Variants in MSR1 observed in about 807,000 individuals in gnomAD.
MSR1 encodes macrophage scavenger receptor 1, also known as macrophage scavenger receptor types I and II.
In MSR1, 53 loss-of-function variants were observed where a neutral mutation model predicts 47.2. That is an observed-to-expected ratio of 1.12 (90% CI 0.90 to 1.41). The LOEUF is 1.41. Among genes scored for constraint, MSR1 ranks in the 40% most tolerant of loss-of-function variants. MSR1 has a pLI of 0.00. For synonymous variants in MSR1, 239 were observed against 185.6 expected (o/e 1.29, Z -2.34); for missense variants, 786 against 546.9 (o/e 1.44, Z -4.36).
intron 9 of MSR1, among the ~76,000 whole-genome samples, chr8:16,118,000 T>G (rs2117056458): frequency 6.6e-6 from 1 of 152,272 alleles, no homozygotes; most frequent in Admixed American, 6.5e-5. Context: ...TGGTCCCTGG[T>G]GCCAAAAAGG....
At chr8:16,131,822 T>A (rs1800267468) in intron 8 of MSR1, among the ~76,000 whole-genome samples, 1 of 152,108 alleles carries the variant, frequency 6.6e-6, no homozygotes, top group South Asian at 2.1e-4. Flanking sequence ...GGGTTCTCTA[T>A]TCTGTTCCAT....
chr8:16,111,186 C>T (rs527619637), intron 9 of MSR1, among the ~76,000 whole-genome samples: 1 of 152,088 alleles, frequency 6.6e-6, no homozygotes, highest in African/African-American at 2.4e-5. Flanking sequence ...TTTTGAAAGC[C>T]TCAAAGGGCT....
At position 16,168,489 on chromosome 8, in the gene MSR1, T is replaced by A; in HGVS notation, c.599A>T (p.Lys200Ile). The change falls in exon 4 of 10, where the codon AAA becomes ATA. Residue 200 changes from lysine to isoleucine, a missense_variant. Lys to Ile is a moderately radical substitution (Grantham distance 102, BLOSUM62 -3). Transcript: ENST00000262101. ...TTGTTTGAAGGTATTCTCTTGGATT[T>A]TGCCATTCAGATTTTCTATGTTGAG... ...LQLNIENLNG[K>I]IQENTFKQQE... is the part of the protein sequence containing the mutation. 1 of 1,614,152 alleles carries A rather than the reference T, an allele frequency of 6.2e-7. No homozygotes were observed. The highest frequency in any genetic ancestry group is 8.5e-7 in the Non-Finnish European group (1 of 1,180,012).
chr8:16,182,933 T>C (rs1215561304), intron 1 of MSR1, among the ~76,000 whole-genome samples: 1 of 152,174 alleles, frequency 6.6e-6, no homozygotes, highest in Non-Finnish European at 1.5e-5. Flanking sequence ...TGCTATACTT[T>C]TAAATGACTG....
At position 16,168,845 on chromosome 8, in the gene MSR1, C is replaced by T; in HGVS notation, c.243G>A (p.Lys81=). 1 of 1,613,476 alleles carries T rather than the reference C, an allele frequency of 6.2e-7. No individual in the cohort carries two copies. The highest frequency in any genetic ancestry group is 8.5e-7 in the Non-Finnish European group (1 of 1,179,990). The part of the protein sequence containing the change: ...VAAQLLKWET[K]NCSVSSTNAN... ...CATTAGTTGAACTAACTGAGCAATT[C>T]TTCGTTTCCCACTTCAGGAGTTGAG... Residue 81 remains lysine, a synonymous_variant, in exon 4 of 10, where the codon AAG becomes AAA. Transcript: ENST00000262101.
chr8:16,177,829 A>G (rs1234137494), intron 2 of MSR1, 57 bp downstream of exon 2: 8 of 1,379,014 alleles, frequency 5.8e-6, no homozygotes, highest in Non-Finnish European at 7.2e-6. Flanking sequence ...ATAATTTTAT[A>G]TTTTGTCAAT....
At chr8:16,172,577 C>A (rs926835822) in intron 3 of MSR1, among the ~76,000 whole-genome samples, 2 of 152,020 alleles carry the variant, frequency 1.3e-5, no homozygotes, top group African/African-American at 4.8e-5. Context: ...ATATTTGATT[C>A]TACAGATCAT....
chr8:16,160,771 C>T (rs1801138434), intron 5 of MSR1, among the ~76,000 whole-genome samples: 1 of 151,910 alleles, frequency 6.6e-6, no homozygotes, highest in Admixed American at 6.6e-5. Flanking sequence ...ATGAAACAAG[C>T]ACTTTTTCTA....
chr8:16,139,758 AAAAAAAAAAAAAAAAAATATATATAT>A (rs1800484458), intron 8 of MSR1: 1 of 156,122 alleles, frequency 6.4e-6, no homozygotes, highest in African/African-American at 8.6e-5. Flanking sequence ...AAAAAAAAAA[AAAAAAAAAAAAAAAAAATATATATAT>A]ATATATATAT....
chr8:16,143,856 G>C (rs1217505173), intron 7 of MSR1, among the ~76,000 whole-genome samples: 1 of 152,016 alleles, frequency 6.6e-6, no homozygotes, highest in Non-Finnish European at 1.5e-5. Flanking sequence ...CCTAAATCAA[G>C]CAAAGCTGAA....
At chr8:16,162,348 G>A (rs1475616734) in intron 5 of MSR1, among the ~76,000 whole-genome samples, 1 of 151,874 alleles carries the variant, frequency 6.6e-6, no homozygotes, top group Non-Finnish European at 1.5e-5. Context: ...AAATCAGAAG[G>A]TTTCTTGATC....
At chr8:16,151,076 T>A (rs1207821182) in intron 6 of MSR1, among the ~76,000 whole-genome samples, 1 of 152,122 alleles carries the variant, frequency 6.6e-6, no homozygotes, top group East Asian at 1.9e-4. Flanking sequence ...AGTTCAGTAG[T>A]TCTTGATAAA....
At position 16,177,880 on chromosome 8, in the gene MSR1, A is replaced by G; in HGVS notation, c.103+6T>C. On this transcript the variant is annotated splice_donor_region_variant and intron_variant, in intron 2 of 9. Coordinates refer to ENST00000262101, the MANE Select transcript of MSR1 (RefSeq NM_138715.3). ...CTCCATGGGCAGCCCATCCCCCTCT[A>G]CTTACTCGGAGGAAGCAAAGCTGTC... 1 of 1,612,100 alleles carries G rather than the reference A, an allele frequency of 6.2e-7. No homozygotes were observed. The highest frequency in any genetic ancestry group is 8.5e-7 in the Non-Finnish European group (1 of 1,178,358).
intron 1 of MSR1, among the ~76,000 whole-genome samples, chr8:16,183,521 C>T (rs1231850099): frequency 6.9e-6 from 1 of 144,152 alleles, no homozygotes; most frequent in Non-Finnish European, 1.5e-5. Flanking sequence ...ATAATTACAT[C>T]TATAACATGT....
intron 4 of MSR1, among the ~76,000 whole-genome samples, chr8:16,164,603 G>A (rs545502416): frequency 8.8e-4 from 134 of 151,990 alleles, no homozygotes; most frequent in Admixed American, 1.6e-3. Context: ...TCTTCGTACT[G>A]TACTTACAGT....
chr8:16,173,033 G>A (rs1050266519), intron 3 of MSR1, among the ~76,000 whole-genome samples: 6 of 152,094 alleles, frequency 3.9e-5, no homozygotes, highest in African/African-American at 1.4e-4. Flanking sequence ...ATTGTTTATT[G>A]TTAATACATA....
intron 5 of MSR1, among the ~76,000 whole-genome samples, chr8:16,157,283 C>T (rs1381017144): frequency 6.6e-6 from 1 of 151,812 alleles, no homozygotes; most frequent in Non-Finnish European, 1.5e-5. Context: ...ACTAACTATC[C>T]TTTCAATTAT....
intron 3 of MSR1, among the ~76,000 whole-genome samples, chr8:16,171,228 C>CAAAAAA (rs34662759): frequency 1.1e-4 from 8 of 75,430 alleles, no homozygotes; most frequent in African/African-American, 2.9e-4. Flanking sequence ...GACTCAGTCT[C>CAAAAAA]AAAAAAAAAA....
chr8:16,175,903 A>G (rs1484850521), intron 2 of MSR1, among the ~76,000 whole-genome samples: 2 of 152,194 alleles, frequency 1.3e-5, no homozygotes, highest in Non-Finnish European at 2.9e-5. Context: ...CACTCTCTCT[A>G]TATTTCAGAA....
Sources: gnomAD v4.1 joint callset for allele counts (sites outside exome capture counted in the v4.1 genomes callset) on GRCh38, gnomAD v4.1.1 for gene constraint, MANE v1.5 for transcripts, NCBI Gene and HGNC (gene_info 2026-07-23, HGNC 2026-07-21) for gene names.